Variants in PDXDC1 observed in about 807,000 individuals in gnomAD.
PDXDC1 encodes pyridoxal dependent decarboxylase domain containing 1, also known as pyridoxal-dependent decarboxylase domain-containing protein 1.
Under a neutral mutation model 100.1 loss-of-function variants are expected in PDXDC1, and 42 were observed. The ratio of observed to expected loss-of-function variants is 0.42; its 90% CI spans 0.33 to 0.54. The LOEUF (loss-of-function observed/expected upper bound fraction) is 0.54, where lower values mean the gene tolerates loss of function less well. Ranked by LOEUF, PDXDC1 falls within the 20% of genes least tolerant of loss-of-function variation. PDXDC1 has a pLI of 0.10. For synonymous variants in PDXDC1, 260 were observed against 371.7 expected, an observed-to-expected ratio of 0.70 and a Z score of 3.46; for missense variants, 636 against 979.2, an observed-to-expected ratio of 0.65 and a Z score of 4.68.
chr16:15,036,778 T>C lies in PDXDC1; in HGVS notation c.*503T>C, dbSNP rs1189387974. The C allele has an allele frequency of 6.2e-6, 1 of 161,370 alleles. No individual in the cohort carries two copies. The highest frequency in any genetic ancestry group is 1.4e-5 in the Non-Finnish European group (1 of 72,938). The allele number at this position is 161,370 out of a possible 1,614,324, so 10.0% of individuals were successfully genotyped here. A position where few individuals can be genotyped will look rare whatever the true frequency, so the allele number is the denominator to read the frequency against. On this transcript the variant is annotated 3_prime_UTR_variant, in exon 23 of 23. Transcript: ENST00000396410. Reference sequence around the variant, plus strand: ...TTGAAGGAGAGCAGTGATTGTGGGATTGTAAATAAGAGCATCAGAAGCCCT... The same window carrying C: ...TTGAAGGAGAGCAGTGATTGTGGGACTGTAAATAAGAGCATCAGAAGCCCT...
the PDXDC1 span, among the ~76,000 whole-genome samples, chr16:15,146,787 CCT>C: frequency 3.9e-5 from 6 of 152,076 alleles, no homozygotes; most frequent in East Asian, 7.8e-4. Flanking sequence ...CCCCGGAACC[CCT>C]GAGGGAACCG....
the PDXDC1 span, among the ~76,000 whole-genome samples, chr16:15,149,181 C>T: frequency 6.6e-6 from 1 of 152,182 alleles, no homozygotes; most frequent in Non-Finnish European, 1.5e-5. Context: ...TCACCTTGCC[C>T]CTTGGGGACT....
intron 1 of PDXDC1, among the ~76,000 whole-genome samples, chr16:14,993,077 C>A (rs1409183712): frequency 6.6e-6 from 1 of 152,254 alleles, no homozygotes; most frequent in African/African-American, 2.4e-5. Context: ...AGTGATTCTT[C>A]TGCCTTGGCC....
chr16:15,042,372 G>GA (rs1390260247), downstream of PDXDC1, among the ~76,000 whole-genome samples: 1 of 151,638 alleles, frequency 6.6e-6, no homozygotes, highest in African/African-American at 2.4e-5. Flanking sequence ...TTTCAGTAGA[G>GA]ACAGATGGGG....
At chr16:15,066,403 C>A in intron 16 of PDXDC1, among the ~76,000 whole-genome samples, 1 of 152,108 alleles carries the variant, frequency 6.6e-6, no homozygotes, top group Non-Finnish European at 1.5e-5. Flanking sequence ...GAGGTTGAGG[C>A]AGGCGGTTCA....
At chr16:15,013,812 T>C (rs983118849) in intron 8 of PDXDC1, among the ~76,000 whole-genome samples, 1 of 150,992 alleles carries the variant, frequency 6.6e-6, no homozygotes, top group African/African-American at 2.5e-5. Flanking sequence ...GAGGTGGAGG[T>C]TGCAGTGAGC....
chr16:15,015,592 C>A (rs1450876099), intron 8 of PDXDC1, among the ~76,000 whole-genome samples: 1 of 152,258 alleles, frequency 6.6e-6, no homozygotes, highest in Non-Finnish European at 1.5e-5. Context: ...TGGCCACCGC[C>A]TGTAATCCCA....
chr16:15,061,330 C>A (rs2044702331), intron 16 of PDXDC1: 1 of 176,378 alleles, frequency 5.7e-6, no homozygotes, highest in South Asian at 2.0e-4. Context: ...GGATTCTTCA[C>A]TGAAAGCTCA....
chr16:15,043,127 T>C (rs1265457540), downstream of PDXDC1, among the ~76,000 whole-genome samples: 1 of 152,182 alleles, frequency 6.6e-6, no homozygotes, highest in Non-Finnish European at 1.5e-5. Context: ...CTTGAACTTC[T>C]GACCTCAAGT....
intron 1 of PDXDC1, among the ~76,000 whole-genome samples, chr16:14,980,628 C>T (rs1967751556): frequency 6.6e-6 from 1 of 152,284 alleles, no homozygotes; most frequent in Admixed American, 6.5e-5. Flanking sequence ...CGCCCACCAC[C>T]ACACCCAGCT....
At chr16:15,076,492 G>A in intron 16 of PDXDC1, 1 of 1,045,972 alleles carries the variant, frequency 9.6e-7, no homozygotes, top group Non-Finnish European at 1.5e-6. Context: ...ACAAAGATGA[G>A]CAGCACTAGC....
At chr16:15,101,132 G>C (rs62039521) in intron 16 of PDXDC1, among the ~76,000 whole-genome samples, 4,214 of 152,316 alleles carry the variant, frequency 0.028, 80 homozygotes, top group Middle Eastern at 0.048. Context: ...GTAAGGATTA[G>C]AGCACATAAC....
chr16:15,077,194 G>T (rs1299246241), intron 16 of PDXDC1, among the ~76,000 whole-genome samples: 2 of 151,700 alleles, frequency 1.3e-5, no homozygotes, highest in Non-Finnish European at 2.9e-5. Context: ...AGTCAGGCTG[G>T]TCTCGAACTC....
At chr16:15,046,540 G>A (rs1420030707) in intron 16 of PDXDC1, among the ~76,000 whole-genome samples, 1 of 152,114 alleles carries the variant, frequency 6.6e-6, no homozygotes, top group African/African-American at 2.4e-5. Context: ...ATGAGGTGCT[G>A]TGGGGGCACC....
chr16:15,038,521 T>TG, downstream of PDXDC1: 1 of 1,018,484 alleles, frequency 9.8e-7, no homozygotes, highest in South Asian at 1.4e-5. Flanking sequence ...TTCTTACAGA[T>TG]GGGGAAACCA....
chr16:15,034,307 G>A lies in PDXDC1; in HGVS notation c.1834G>A (p.Val612Met). The A allele has an allele frequency of 6.2e-7, 1 of 1,613,290 alleles. No homozygotes were observed. Among genetic ancestry groups the A allele is most frequent in the Non-Finnish European group, 8.5e-7 (1 of 1,179,898 alleles). ...NSRLLENMTE[V>M]VRKGIQEAQV... ...ACAGCTTCTGGAAAACATGACAGAA[G>A]TGGTTCGGAAAGGCATTCAGGAAGC... Residue 612 changes from valine (V) to methionine (M), a missense_variant, in exon 20 of 23, where the codon GTG (valine) becomes ATG (methionine). Coordinates refer to ENST00000396410, the MANE Select transcript of PDXDC1 (RefSeq NM_015027.4).
intron 16 of PDXDC1, chr16:15,133,057 G>C: frequency 2.8e-6 from 2 of 708,602 alleles, no homozygotes; most frequent in Non-Finnish European, 4.6e-6. Context: ...CCTCCTGGGC[G>C]GGGGCTGCAT....
the PDXDC1 span, among the ~76,000 whole-genome samples, chr16:15,149,446 G>T: frequency 3.3e-5 from 5 of 152,202 alleles, no homozygotes; most frequent in African/African-American, 1.2e-4. Context: ...TGGGAGCCAG[G>T]GGCCCCTCCG....
Position 15,066,546 on chromosome 16 carries a change from C to G in PDXDC1, c.1399+36490C>G, listed in dbSNP as rs1007438721. ...TATTCGGGAGGCTGAGGCAGGAGAA[C>G]TGCATGAGCCTCGGAGGTGGTGGTT... is the stretch of plus-strand genomic sequence containing the variant. On this transcript the variant is annotated intron_variant, in intron 16 of 16. Coordinates refer to the PDXDC1 transcript ENST00000535621. Among the ~76,000 whole-genome samples the G allele has an allele frequency of 1.6e-4, 25 of 151,738 alleles. No individual in the cohort carries two copies. In the Middle Eastern group the frequency reaches 0.017, roughly 103 times the overall value.
Sources: allele counts gnomAD v4.1 joint callset (sites outside exome capture counted in the v4.1 genomes callset), GRCh38; gene constraint gnomAD v4.1.1; transcripts MANE v1.5; gene names NCBI Gene and HGNC (gene_info 2026-07-23, HGNC 2026-07-21).